Variants in CLEC16A observed in about 807,000 individuals in gnomAD.
CLEC16A encodes the protein protein CLEC16A.
In CLEC16A, 51 loss-of-function variants were observed where a neutral mutation model predicts 109.5. The ratio of observed to expected loss-of-function variants is 0.47; its 90% CI spans 0.37 to 0.59. CLEC16A has a LOEUF of 0.59. CLEC16A is among the 20% of genes least tolerant of loss of function. CLEC16A has a pLI of 0.00. For missense variants in CLEC16A, 1,339 were observed against 1,394.0 expected (o/e 0.96, Z 0.63); for synonymous variants, 673 against 564.2 (o/e 1.19, Z -2.73).
Position 11,017,524 on chromosome 16 carries a change from C to CT in CLEC16A, c.1304-2668dup, listed in dbSNP as rs1326495219. Among the ~76,000 whole-genome samples the CT allele has an allele frequency of 3.9e-5, 6 of 152,328 alleles. 1 individual carries two copies. Among genetic ancestry groups the CT allele is most frequent in the Admixed American group, 1.3e-4 (2 of 15,308 alleles). ...GTTTCAGAACCTAATGTCCCATTCTCTAAGTGTGGCCTGTGTTTACTGACT... is the reference window on the plus strand; with the variant it reads ...GTTTCAGAACCTAATGTCCCATTCTCTTAAGTGTGGCCTGTGTTTACTGACT... On this transcript the variant is annotated intron_variant, in intron 11 of 23. Transcript: ENST00000409790.
At chr16:11,051,897 A>G (rs1442899578) in intron 18 of CLEC16A, among the ~76,000 whole-genome samples, 2 of 152,218 alleles carry the variant, frequency 1.3e-5, no homozygotes, top group Non-Finnish European at 2.9e-5. Flanking sequence ...ACCAGTGCAG[A>G]CAGACAAGCC....
intron 19 of CLEC16A, among the ~76,000 whole-genome samples, chr16:11,068,421 G>T (rs144115911): frequency 1.3e-5 from 2 of 152,132 alleles, no homozygotes; most frequent in Admixed American, 6.5e-5. Context: ...GTCTGTCCAC[G>T]CAGAGCCTGC....
chr16:11,014,901 C>T (rs1329954300), intron 11 of CLEC16A, among the ~76,000 whole-genome samples: 1 of 152,170 alleles, frequency 6.6e-6, no homozygotes, highest in Non-Finnish European at 1.5e-5. Flanking sequence ...TCCCTGTGAC[C>T]CTGATCATCA....
At position 10,944,814 on chromosome 16, in the gene CLEC16A, T is replaced by C; in HGVS notation, c.80+17T>C. 8 of 1,590,738 alleles carry C rather than the reference T, an allele frequency of 5.0e-6. No homozygotes were observed. The highest frequency in any genetic ancestry group is 6.0e-6 in the Non-Finnish European group (7 of 1,166,968). ...CCACCTCAAGTGAGTGTGGGGGGCG[T>C]AGCGGGAGGCCTCGGGGCTGGACAG... On this transcript the variant is annotated intron_variant, in intron 1 of 23. Transcript: ENST00000409790.
chr16:10,955,206 T>C (rs1357968214), intron 1 of CLEC16A, among the ~76,000 whole-genome samples: 2 of 152,246 alleles, frequency 1.3e-5, no homozygotes, highest in Admixed American at 6.5e-5. Flanking sequence ...ACTTGCCGTG[T>C]CTGGCGTTTG....
At chr16:11,022,147 C>T (rs1321792514) in intron 12 of CLEC16A, among the ~76,000 whole-genome samples, 1 of 152,050 alleles carries the variant, frequency 6.6e-6, no homozygotes, top group Non-Finnish European at 1.5e-5. Flanking sequence ...GCATGCAGTC[C>T]TGGGAACCTC....
rs550704463 is a variant in CLEC16A, at chr16:11,030,691, C to G, written c.1537+5770C>G. On this transcript the variant is annotated intron_variant, in intron 13 of 23. Transcript: ENST00000409790. ...ACGGAGTCTCACTCTGTTGCCCAGG[C>G]CAGAATGCAATGGTGCAATCTTGGC... Among the ~76,000 whole-genome samples the G allele has an allele frequency of 5.9e-5, 9 of 152,296 alleles. No individual in the cohort carries two copies. The South Asian group carries it at 1.9e-3, about 32-fold the overall frequency.
chr16:11,092,133 G>A (rs760977753), intron 19 of CLEC16A, among the ~76,000 whole-genome samples: 1 of 152,086 alleles, frequency 6.6e-6, no homozygotes, highest in Non-Finnish European at 1.5e-5. Context: ...ATCACTTGAG[G>A]TCAGGAGTTC....
intron 19 of CLEC16A, among the ~76,000 whole-genome samples, chr16:11,089,239 A>G (rs527522235): frequency 3.9e-5 from 6 of 152,300 alleles, no homozygotes; most frequent in African/African-American, 1.2e-4. Flanking sequence ...GAATGGGACC[A>G]TGGACATCTT....
chr16:11,033,984 C>A (rs921946448), intron 13 of CLEC16A, among the ~76,000 whole-genome samples: 1 of 152,150 alleles, frequency 6.6e-6, no homozygotes, highest in African/African-American at 2.4e-5. Context: ...TTCCCCAGTT[C>A]AGTGACCAAC....
At chr16:11,001,188 C>G (rs7200623) in intron 10 of CLEC16A, among the ~76,000 whole-genome samples, 20,162 of 152,070 alleles carry the variant, frequency 0.13, 1,314 homozygotes, top group South Asian at 0.15. Context: ...TTGGCTCGAG[C>G]GATCCTTCTA....
intron 22 of CLEC16A, among the ~76,000 whole-genome samples, chr16:11,151,038 A>T (rs954779251): frequency 3.3e-5 from 5 of 152,116 alleles, no homozygotes; most frequent in African/African-American, 1.2e-4. Context: ...CTGTAAAATG[A>T]CCCCATTTCC....
At chr16:10,994,626 C>A (rs1001479630) in intron 10 of CLEC16A, among the ~76,000 whole-genome samples, 1 of 152,072 alleles carries the variant, frequency 6.6e-6, no homozygotes, top group South Asian at 2.1e-4. Flanking sequence ...ATCACTTGAA[C>A]CCAGGAGACG....
At chr16:11,097,979 C>G (rs556438300) in intron 19 of CLEC16A, among the ~76,000 whole-genome samples, 171 of 152,264 alleles carry the variant, frequency 1.1e-3, no homozygotes, top group African/African-American at 4.0e-3. Context: ...GCCACAAGGC[C>G]AAGTGGTATG....
chr16:11,094,162 G>T (rs764837020), intron 19 of CLEC16A, among the ~76,000 whole-genome samples: 1 of 152,128 alleles, frequency 6.6e-6, no homozygotes, highest in Non-Finnish European at 1.5e-5. Flanking sequence ...TTCCTCTTTT[G>T]TACAGGGCCC....
chr16:11,124,691 C>T (rs1334973602), intron 21 of CLEC16A, among the ~76,000 whole-genome samples: 2 of 152,198 alleles, frequency 1.3e-5, no homozygotes, highest in African/African-American at 2.4e-5. Context: ...TCAAGATACC[C>T]AGTGCCATTC....
chr16:11,075,550 C>A (rs191019213), intron 19 of CLEC16A, among the ~76,000 whole-genome samples: 1 of 152,156 alleles, frequency 6.6e-6, no homozygotes, highest in East Asian at 1.9e-4. Flanking sequence ...GCTCCTCCCA[C>A]CTTAGCCTCT....
chr16:11,003,002 TG>T, intron 10 of CLEC16A, 71 bp from the exon 11 acceptor site: 1 of 1,265,014 alleles, frequency 7.9e-7, no homozygotes. Flanking sequence ...CAGAAACTTT[TG>T]GGCAACTTGA....
At chr16:10,944,952 C>T (rs1596676687) in intron 1 of CLEC16A, among the ~76,000 whole-genome samples, 155 bp downstream of exon 1, 1 of 152,192 alleles carries the variant, frequency 6.6e-6, no homozygotes, top group South Asian at 2.1e-4. Flanking sequence ...GGAGTCAGGG[C>T]GCCTGGGTTC....
Sources: gnomAD v4.1 joint callset for allele counts (sites outside exome capture counted in the v4.1 genomes callset) on GRCh38, gnomAD v4.1.1 for gene constraint, MANE v1.5 for transcripts, NCBI Gene and HGNC (gene_info 2026-07-23, HGNC 2026-07-21) for gene names.